The following R3HDM2 variants were observed in gnomAD, a reference collection of about 807,000 sequenced individuals.
The protein encoded by R3HDM2 is R3H domain containing 2.
In R3HDM2, 38 loss-of-function variants were observed where a neutral mutation model predicts 124.5. The observed-to-expected ratio is 0.31, with a 90% CI of 0.24 to 0.40. The LOEUF (loss-of-function observed/expected upper bound fraction) is 0.40, where lower values mean the gene tolerates loss of function less well. Ranked by LOEUF, R3HDM2 falls within the 10% of genes least tolerant of loss-of-function variation. The probability of loss-of-function intolerance (pLI) is 1.00; values close to 1 mark genes in which losing one functional copy is unlikely to be tolerated. For missense variants in R3HDM2, 869 were observed against 1,236.9 expected, an observed-to-expected ratio of 0.70 and a Z score of 4.46; for synonymous variants, 391 against 448.0, an observed-to-expected ratio of 0.87 and a Z score of 1.61.
chr12:57,392,311 C>A (rs1408453702), intron 2 of R3HDM2, among the ~76,000 whole-genome samples: 1 of 152,202 alleles, frequency 6.6e-6, no homozygotes, highest in Non-Finnish European at 1.5e-5. Context: ...TTTCCATGGA[C>A]AGTAAGGCGA....
intron 1 of R3HDM2, among the ~76,000 whole-genome samples, chr12:57,404,255 G>C (rs1401340406): frequency 6.6e-6 from 1 of 150,490 alleles, no homozygotes; most frequent in East Asian, 2.0e-4. Flanking sequence ...GTAGAGATGG[G>C]GTTTCTCCAT....
chr12:57,431,074 C>G (rs1334359078), upstream of R3HDM2: 1 of 152,326 alleles, frequency 6.6e-6, no homozygotes, highest in Non-Finnish European at 1.5e-5. Context: ...CCTCGTCCTG[C>G]GTTCCGGCCG....
At chr12:57,302,733 G>C (rs2051515123) in intron 4 of R3HDM2, among the ~76,000 whole-genome samples, 1 of 140,958 alleles carries the variant, frequency 7.1e-6, no homozygotes, top group Middle Eastern at 3.8e-3. Context: ...AGGATATCCA[G>C]AAATGTTGAG....
chr12:57,388,434 G>A (rs1003899749), intron 2 of R3HDM2, among the ~76,000 whole-genome samples: 15 of 152,286 alleles, frequency 9.8e-5, no homozygotes, highest in Admixed American at 9.2e-4. Flanking sequence ...GAAAGCAAAC[G>A]ACAAGTCAGC....
At chr12:57,428,568 T>C (rs982467376) in intron 1 of R3HDM2, among the ~76,000 whole-genome samples, 1 of 151,530 alleles carries the variant, frequency 6.6e-6, no homozygotes, top group African/African-American at 2.4e-5. Flanking sequence ...GGCAGGAGAA[T>C]GGCATTTACC....
chr12:57,372,890 T>C (rs1441479997), intron 2 of R3HDM2, among the ~76,000 whole-genome samples: 1 of 152,226 alleles, frequency 6.6e-6, no homozygotes, highest in Non-Finnish European at 1.5e-5. Flanking sequence ...TCCATGATTA[T>C]GGTCTTCCCA....
intron 1 of R3HDM2, among the ~76,000 whole-genome samples, chr12:57,396,811 G>A (rs1290833175): frequency 5.3e-5 from 8 of 150,152 alleles, no homozygotes; most frequent in African/African-American, 7.4e-5. Context: ...TCTAGGCTGC[G>A]CATGGTGGCT....
At chr12:57,392,495 G>A (rs759469589) in intron 2 of R3HDM2, among the ~76,000 whole-genome samples, 7 of 152,082 alleles carry the variant, frequency 4.6e-5, no homozygotes, top group Middle Eastern at 3.2e-3. Flanking sequence ...ATGTTCACTC[G>A]CCTGCCGCTT....
At chr12:57,270,596 A>AT (rs1029578623) in intron 14 of R3HDM2, among the ~76,000 whole-genome samples, 3 of 151,498 alleles carry the variant, frequency 2.0e-5, no homozygotes, top group African/African-American at 4.9e-5. Context: ...AGCCCAGCTA[A>AT]TTTTTTTTGT....
intron 2 of R3HDM2, among the ~76,000 whole-genome samples, chr12:57,324,154 G>A (rs2056906523): frequency 6.6e-6 from 1 of 152,134 alleles, no homozygotes; most frequent in Non-Finnish European, 1.5e-5. Flanking sequence ...CCTTAGAAAG[G>A]ACACATCAGA....
intron 2 of R3HDM2, among the ~76,000 whole-genome samples, chr12:57,374,090 T>C (rs2063724703): frequency 6.6e-6 from 1 of 152,052 alleles, no homozygotes; most frequent in East Asian, 1.9e-4. Flanking sequence ...ATCGCACCAC[T>C]GCACTCCAGC....
intron 2 of R3HDM2, among the ~76,000 whole-genome samples, chr12:57,335,492 CTTTTTT>C (rs34808381): frequency 8.1e-5 from 9 of 111,746 alleles, no homozygotes; most frequent in African/African-American, 2.5e-4. Flanking sequence ...GCCCGGCCAC[CTTTTTT>C]TTTTTTTTTT....
At chr12:57,316,024 G>T (rs1397025100) in intron 2 of R3HDM2, among the ~76,000 whole-genome samples, 1 of 152,200 alleles carries the variant, frequency 6.6e-6, no homozygotes, top group African/African-American at 2.4e-5. Flanking sequence ...TTGAGCCTGG[G>T]AGGCAGAGGT....
chr12:57,268,151 G>A, intron 18 of R3HDM2, 152 bp downstream of exon 18: 2 of 733,516 alleles, frequency 2.7e-6, no homozygotes, highest in Non-Finnish European at 4.1e-6. Context: ...TAAGTGAAAA[G>A]GAGAATGAAC....
intron 2 of R3HDM2, among the ~76,000 whole-genome samples, chr12:57,367,938 ATTTAT>A (rs949325655): frequency 6.6e-6 from 1 of 151,668 alleles, no homozygotes; most frequent in African/African-American, 2.4e-5. Flanking sequence ...CATTAAATAT[ATTTAT>A]TTTATGTTCT....
intron 2 of R3HDM2, among the ~76,000 whole-genome samples, chr12:57,359,673 T>C (rs1461472949): frequency 6.6e-6 from 1 of 152,106 alleles, no homozygotes; most frequent in Non-Finnish European, 1.5e-5. Flanking sequence ...GGTGATTAGA[T>C]TGTTTGTATT....
intron 19 of R3HDM2, among the ~76,000 whole-genome samples, chr12:57,264,620 A>ATT (rs549188071): frequency 5.1e-5 from 7 of 137,446 alleles, no homozygotes; most frequent in East Asian, 4.2e-4. Context: ...TTCCTTCCAG[A>ATT]TTTTTTTTTT....
chr12:57,407,501 G>A (rs2068634671), intron 1 of R3HDM2, among the ~76,000 whole-genome samples: 1 of 151,648 alleles, frequency 6.6e-6, no homozygotes. Context: ...CACCCTCTGG[G>A]TTCAAGCAAT....
chr12:57,373,455 C>T (rs943127306), intron 2 of R3HDM2, among the ~76,000 whole-genome samples: 4 of 151,840 alleles, frequency 2.6e-5, no homozygotes, highest in South Asian at 4.2e-4. Context: ...GCCAAGATCG[C>T]GCCACTGCAC....
Sources: gnomAD v4.1 joint callset for allele counts (sites outside exome capture counted in the v4.1 genomes callset) on GRCh38, gnomAD v4.1.1 for gene constraint, MANE v1.5 for transcripts, NCBI Gene and HGNC (gene_info 2026-07-23, HGNC 2026-07-21) for gene names.